The following EDAR variants were observed in gnomAD, a reference collection of about 807,000 sequenced individuals.
The protein encoded by EDAR is tumor necrosis factor receptor superfamily member EDAR.
A neutral mutation model predicts 51.3 loss-of-function variants in EDAR; 38 were observed. The observed-to-expected ratio is 0.74, with a 90% confidence interval of 0.57 to 0.97. The LOEUF (loss-of-function observed/expected upper bound fraction) is 0.97, where lower values mean the gene tolerates loss of function less well. EDAR is among the 50% of genes least tolerant of loss of function. The pLI, the probability that EDAR is intolerant of heterozygous loss-of-function variation, is 0.00. For missense variants in EDAR, 528 were observed against 595.0 expected, an observed-to-expected ratio of 0.89 and a Z score of 1.17; for synonymous variants, 227 against 242.1, an observed-to-expected ratio of 0.94 and a Z score of 0.58.
intron 1 of EDAR, among the ~76,000 whole-genome samples, chr2:108,954,629 A>G (rs538492989): frequency 6.6e-6 from 1 of 150,780 alleles, no homozygotes; most frequent in South Asian, 2.1e-4. Flanking sequence ...TTCCTCTGTC[A>G]CATTCCCTCA....
chr2:108,965,219 T>C (rs1698124905), intron 1 of EDAR, among the ~76,000 whole-genome samples: 1 of 152,136 alleles, frequency 6.6e-6, no homozygotes, highest in African/African-American at 2.4e-5. Flanking sequence ...GGCTCACGAC[T>C]GTAATCCCAG....
intron 1 of EDAR, among the ~76,000 whole-genome samples, chr2:108,964,248 A>G (rs1038478288): frequency 6.6e-6 from 1 of 152,078 alleles, no homozygotes; most frequent in African/African-American, 2.4e-5. Context: ...GGGGAAACTG[A>G]GACTCTGAGA....
At chr2:108,902,814 G>T (rs1486015269) in intron 11 of EDAR, among the ~76,000 whole-genome samples, 2 of 152,100 alleles carry the variant, frequency 1.3e-5, no homozygotes, top group Non-Finnish European at 2.9e-5. Flanking sequence ...GGTGAAAAAT[G>T]GAATGCTTTT....
At chr2:108,939,067 C>T (rs372350180) in intron 1 of EDAR, among the ~76,000 whole-genome samples, 42 of 151,988 alleles carry the variant, frequency 2.8e-4, no homozygotes, top group South Asian at 6.2e-4. Flanking sequence ...CATGAGCCAC[C>T]GTGCCTGGCC....
rs1022530197 is a variant in EDAR at position 108,908,702 on chromosome 2, C to T, written c.804-683G>A. Among the ~76,000 whole-genome samples the T allele has an allele frequency of 5.9e-5, 9 of 152,230 alleles. 1 individual carries two copies. The highest frequency in any genetic ancestry group is 5.9e-4 in the Admixed American group (9 of 15,288). ...ACATGTGGGTTGGAGCTTAAACTCT[C>T]TTAAAACCATTCCAAGTATATGAAA... On this transcript the variant is annotated intron_variant, in intron 9 of 11. Coordinates refer to ENST00000258443, the MANE Select transcript of EDAR (RefSeq NM_022336.4).
chr2:108,953,781 C>T (rs1276865566), intron 1 of EDAR, among the ~76,000 whole-genome samples: 1 of 152,116 alleles, frequency 6.6e-6, no homozygotes, highest in East Asian at 1.9e-4. Flanking sequence ...GTGGAGAGGC[C>T]AGTTAGGCAG....
In EDAR at chr2:108,897,215, C is replaced by A; in HGVS notation, c.1039G>T (p.Glu347Ter). The change falls in exon 12 of 12, where the codon GAG becomes TAG. Residue 347 changes from glutamate to a stop codon, truncating the protein, a stop_gained. Coordinates refer to ENST00000258443, the MANE Select transcript of EDAR (RefSeq NM_022336.4). LOFTEE classifies it high-confidence loss of function. ...TTCTCGAGGCAATCAAATGGCAGCT[C>A]CGTGGGGCTAAGACCTACAGACACC... ...CGVVEGLSPT[E>*]LPFDCLEKTS... 1 of 1,613,662 alleles carries A rather than the reference C, an allele frequency of 6.2e-7. No homozygotes were observed. Among genetic ancestry groups the A allele is most frequent in the South Asian group, 1.1e-5 (1 of 91,056 alleles).
In EDAR at chr2:108,974,351, A is replaced by G. The variant is rs866157287; in HGVS notation, c.-19+14609T>C. ...TCTCAAAAAAAAAAAAAAAAAAAAAAAAAGAAATGCCACATATTGACTGTG... is the reference window on the plus strand; with the variant it reads ...TCTCAAAAAAAAAAAAAAAAAAAAAGAAAGAAATGCCACATATTGACTGTG... On this transcript the variant is annotated intron_variant, in intron 1 of 11. Transcript: ENST00000258443. Among the ~76,000 whole-genome samples the G allele has an allele frequency of 2.0e-3, 301 of 150,908 alleles. 1 individual carries two copies. The highest frequency in any genetic ancestry group is 6.5e-3 in the African/African-American group (267 of 40,872).
At chr2:108,909,809 C>A (rs1189588442) in intron 9 of EDAR, among the ~76,000 whole-genome samples, 2 of 152,250 alleles carry the variant, frequency 1.3e-5, no homozygotes, top group Non-Finnish European at 2.9e-5. Context: ...GCTTCACCTG[C>A]CAAATCTCCT....
intron 9 of EDAR, among the ~76,000 whole-genome samples, chr2:108,910,221 TTGGCAGGATGCAGG>T (rs1208717648): frequency 1.3e-5 from 2 of 152,122 alleles, no homozygotes; most frequent in Admixed American, 6.5e-5. Context: ...CCCAGGGAAT[TTGGCAGGATGCAGG>T]GACAGGGGCC....
chr2:108,924,469 C>T (rs1435458703), intron 4 of EDAR, among the ~76,000 whole-genome samples: 1 of 152,220 alleles, frequency 6.6e-6, no homozygotes, highest in East Asian at 1.9e-4. Context: ...GATTAAATAA[C>T]GTGAGCGGTG....
At chr2:108,941,029 C>G (rs1697583597) in intron 1 of EDAR, among the ~76,000 whole-genome samples, 2 of 152,168 alleles carry the variant, frequency 1.3e-5, no homozygotes, top group Admixed American at 1.3e-4. Context: ...CTGCCCCACG[C>G]TGGGCTGTCA....
At chr2:108,958,434 C>CA (rs980091084) in intron 1 of EDAR, among the ~76,000 whole-genome samples, 6 of 151,052 alleles carry the variant, frequency 4.0e-5, no homozygotes, top group East Asian at 1.9e-4. Flanking sequence ...AAACAAAAAA[C>CA]AAAAAAAACC....
At chr2:108,946,450 A>G (rs1697716324) in intron 1 of EDAR, among the ~76,000 whole-genome samples, 1 of 152,228 alleles carries the variant, frequency 6.6e-6, no homozygotes, top group Non-Finnish European at 1.5e-5. Context: ...GCACCAAACA[A>G]TTCTTAAAAA....
chr2:108,919,490 C>T (rs1325647969), intron 5 of EDAR, among the ~76,000 whole-genome samples: 1 of 152,158 alleles, frequency 6.6e-6, no homozygotes, highest in Non-Finnish European at 1.5e-5. Context: ...TCCCGAGTAG[C>T]TGGGATTACA....
Position 108,896,901 on chromosome 2 carries a change from T to A in EDAR, c.*6A>T. On this transcript the variant is annotated 3_prime_UTR_variant, in exon 12 of 12. Transcript: ENST00000258443. ...GTCCTGGGAGGACAGCCCACAGGCATGCTTTTCAGGATGCAGCATGTGGCT... is the reference window on the plus strand; with the variant it reads ...GTCCTGGGAGGACAGCCCACAGGCAAGCTTTTCAGGATGCAGCATGTGGCT... 1.2e-6 allele frequency: 2 copies of A among 1,609,790 alleles called. No homozygotes were observed. Among genetic ancestry groups the A allele is most frequent in the Non-Finnish European group, 1.7e-6 (2 of 1,178,204 alleles).
chr2:108,931,003 C>A lies in EDAR; in HGVS notation c.12G>T (p.Val4=), dbSNP rs773901379. 6.2e-6 allele frequency: 10 copies of A among 1,613,914 alleles called. No homozygotes were observed. In the Admixed American group the frequency reaches 6.7e-5, roughly 11 times the overall value. ...GCCAGGGCGTCTGCGTGCAGTCCCC[C>A]ACATGGGCCATCCTCTCCCAAGGGC... The part of the protein sequence containing the change: MAH[V]GDCTQTPWLP... The change falls in exon 2 of 12, where the codon GTG becomes GTT. Residue 4 remains valine (V), a synonymous_variant. Coordinates refer to ENST00000258443, the MANE Select transcript of EDAR (RefSeq NM_022336.4).
chr2:108,946,646 G>A (rs260715), intron 1 of EDAR, among the ~76,000 whole-genome samples: 46,271 of 152,052 alleles, frequency 0.3, 10,955 homozygotes, highest in East Asian at 0.95. Context: ...GCAAAGGGGA[G>A]GCAAAACACA....
chr2:108,911,594 C>T (rs556380102), intron 6 of EDAR, among the ~76,000 whole-genome samples: 4 of 152,350 alleles, frequency 2.6e-5, no homozygotes, highest in Non-Finnish European at 1.5e-5. Flanking sequence ...TCCACCTGCA[C>T]TGCCGCCTCC....
Sources: allele counts gnomAD v4.1 joint callset (sites outside exome capture counted in the v4.1 genomes callset), GRCh38; gene constraint gnomAD v4.1.1; transcripts MANE v1.5; gene names NCBI Gene and HGNC (gene_info 2026-07-23, HGNC 2026-07-21).